CEP131: variants seen among roughly 807,000 people sequenced by gnomAD.
CEP131 encodes centrosomal protein 131, also known as centrosomal protein of 131 kDa.
In CEP131, 99 loss-of-function variants were observed where a neutral mutation model predicts 136.8. The ratio of observed to expected loss-of-function variants is 0.72; its 90% CI spans 0.62 to 0.86. CEP131 has a LOEUF of 0.86. Among genes scored for constraint, CEP131 ranks in the 40% least tolerant of loss-of-function variants. The pLI is 0.00. For synonymous variants in CEP131, 646 were observed against 612.7 expected, an observed-to-expected ratio of 1.05 and a Z score of -0.80; for missense variants, 1,459 against 1,463.0, an observed-to-expected ratio of 1.00 and a Z score of 0.04.
rs114818475 is a variant in CEP131 at position 81,208,997 on chromosome 17, T to C, written c.203A>G (p.Gln68Arg). ...GGATCTTCTAAGGTTGTTGATGGCC[T>C]GGGAGCCCCCAGGCCCTGTGGCCTC... ...VLEATGPGGS[Q>R]AINNLRRSNS... Residue 68 changes from glutamine to arginine, a missense_variant, in exon 3 of 26, where the codon CAG becomes CGG. Gln to Arg is a conservative substitution (Grantham distance 43, BLOSUM62 1). Transcript: ENST00000450824. The surrounding 1 kb of genome is among the most constrained non-coding windows in gnomAD (Gnocchi z 5.6). The C allele has an allele frequency of 5.8e-3, 9,372 of 1,613,804 alleles. 322 individuals carry two copies. In the African/African-American group the frequency reaches 0.081, roughly 14 times the overall value.
intron 1 of CEP131, among the ~76,000 whole-genome samples, chr17:81,222,355 G>C (rs2062406582): frequency 6.6e-6 from 1 of 152,216 alleles, no homozygotes; most frequent in African/African-American, 2.4e-5. Flanking sequence ...GCGCAGAGCA[G>C]AGCCCTCCAC....
chr17:81,195,959 G>T lies in CEP131; in HGVS notation c.1900-8C>A. 1 of 1,605,152 alleles carries T rather than the reference G, an allele frequency of 6.2e-7. No individual in the cohort carries two copies. On this transcript the variant is annotated splice_polypyrimidine_tract_variant and splice_region_variant and intron_variant, in intron 15 of 25. Transcript: ENST00000450824. ...CTTCTTGTCCTCAATCAGCTGTGTT[G>T]GGGACCGGAGGTGAGGTGCTACACC... is the stretch of plus-strand genomic sequence containing the variant.
rs1386860991 is a variant in CEP131 at position 81,194,873 on chromosome 17, G to A, written c.2116C>T (p.Arg706Ter). The A allele has an allele frequency of 6.8e-6, 11 of 1,612,990 alleles. No homozygotes were observed. Among genetic ancestry groups the A allele is most frequent in the Non-Finnish European group, 8.5e-6 (10 of 1,179,864 alleles). Residue 706 changes from arginine (R) to a stop codon, truncating the protein, a stop_gained, in exon 17 of 26, where the codon CGA becomes TGA. Transcript: ENST00000450824. LOFTEE classifies it high-confidence loss of function. ...KTKKIKEVTV[R>*]GLEPEIQKLI... is the part of the protein sequence containing the mutation. ...CTCATGGGAGGGGAGGGCCCACCTCGGACAGTGACCTCCTTGATCTTCTTG... is the reference window on the plus strand; with the variant it reads ...CTCATGGGAGGGGAGGGCCCACCTCAGACAGTGACCTCCTTGATCTTCTTG...
At chr17:81,221,178 A>ATGCTGGTC (rs1327507331) in intron 1 of CEP131, among the ~76,000 whole-genome samples, 2 of 150,556 alleles carry the variant, frequency 1.3e-5, no homozygotes, top group African/African-American at 4.9e-5. Flanking sequence ...TCCAGACAAG[A>ATGCTGGTC]TGCTGGTCTC....
intron 2 of CEP131, among the ~76,000 whole-genome samples, chr17:81,216,333 T>G (rs2062246308): frequency 6.6e-6 from 1 of 151,990 alleles, no homozygotes; most frequent in Non-Finnish European, 1.5e-5. Context: ...CACTCCAGCC[T>G]GGGCAAAAAG....
intron 2 of CEP131, among the ~76,000 whole-genome samples, chr17:81,212,279 G>C (rs568467192): frequency 6.8e-5 from 10 of 147,958 alleles, no homozygotes; most frequent in Non-Finnish European, 1.2e-4. Context: ...CCGAGATTGC[G>C]CTACTGCACT....
chr17:81,208,814 C>T lies in CEP131; in HGVS notation c.272+114G>A, dbSNP rs2062070610. 11 of 817,814 alleles carry T rather than the reference C, an allele frequency of 1.3e-5. No individual in the cohort carries two copies. The highest frequency in any genetic ancestry group is 2.6e-5 in the East Asian group (1 of 38,118). 50.7% of individuals were successfully genotyped at this position (817,814 alleles called of 1,614,324 possible). A position where few individuals can be genotyped will look rare whatever the true frequency, so the allele number is the denominator to read the frequency against. ...CAGGCCTCACTAGCCAGCAAGGGCC[C>T]GGGACCCAGGAGGCTGGAGGAAGGG... On this transcript the variant is annotated intron_variant, in intron 3 of 25. Transcript: ENST00000450824. The surrounding 1 kb of genome is among the most constrained non-coding windows in gnomAD (Gnocchi z 5.6).
intron 5 of CEP131, among the ~76,000 whole-genome samples, chr17:81,204,987 G>A (rs911100308): frequency 9.8e-5 from 15 of 152,330 alleles, no homozygotes; most frequent in East Asian, 3.9e-4. Flanking sequence ...ATGGCCGGGC[G>A]CAGTGGCTCA....
intron 23 of CEP131, 31 bp downstream of exon 23, chr17:81,190,875 GC>G: frequency 6.3e-7 from 1 of 1,592,858 alleles, no homozygotes. Context: ...GCCTGTGGGT[GC>G]CCACTGCCCA....
At position 81,192,483 on chromosome 17, in the gene CEP131, C is replaced by T. The variant is rs377053628; in HGVS notation, c.2540G>A (p.Arg847Gln). ...FEKGREEQER[R>Q]HQMELNTLKQ... Reference sequence around the variant, plus strand: ...AGCCCTCCGGTGGTAGACCTGGTGCCGGCGCTCCTGCTCCTCCCTGCCCTT... The same window carrying T: ...AGCCCTCCGGTGGTAGACCTGGTGCTGGCGCTCCTGCTCCTCCCTGCCCTT... Residue 847 changes from arginine (R) to glutamine (Q), a missense_variant, in exon 20 of 26, where the codon CGG becomes CAG. Physicochemically the swap from Arg to Gln is conservative, Grantham distance 43 (BLOSUM62 1). Around this residue, in one of 3 missense-constraint regions of CEP131, gnomAD observed 1,026 missense variants for 964.2 expected, o/e 1.06. Transcript: ENST00000450824. The T allele has an allele frequency of 3.7e-5, 59 of 1,611,746 alleles. 1 individual carries two copies. In the South Asian group the frequency reaches 4.9e-4, roughly 14 times the overall value.
At position 81,202,235 on chromosome 17, in the gene CEP131, G is replaced by A. The variant is rs762305402; in HGVS notation, c.788+5C>T. On this transcript the variant is annotated splice_donor_5th_base_variant and intron_variant, in intron 7 of 25. Transcript: ENST00000450824. ...GCCCCCCCCCACCGCCCCAAGATCG[G>A]TCACCTCTCAGCCTCCTCCTCCGTC... 1.2e-5 allele frequency: 19 copies of A among 1,581,378 alleles called. No homozygotes were observed. Among genetic ancestry groups the A allele is most frequent in the Non-Finnish European group, 1.6e-5 (19 of 1,162,272 alleles).
chr17:81,204,191 CA>C (rs1477151578), intron 5 of CEP131: 1 of 152,804 alleles, frequency 6.5e-6, no homozygotes, highest in Non-Finnish European at 1.5e-5. Flanking sequence ...CACGGAGACA[CA>C]CTGTTCTCCC....
chr17:81,193,740 G>A (rs1007392639), intron 18 of CEP131, among the ~76,000 whole-genome samples, 186 bp downstream of exon 18: 7 of 152,202 alleles, frequency 4.6e-5, no homozygotes, highest in African/African-American at 7.2e-5. Flanking sequence ...ACACAAGCCC[G>A]AGGACACTGG....
chr17:81,219,824 C>G lies in CEP131; in HGVS notation c.177+56G>C. On this transcript the variant is annotated intron_variant, in intron 2 of 25. Transcript: ENST00000450824. The surrounding 1 kb of genome is among the most constrained non-coding windows in gnomAD (Gnocchi z 4.0). The stretch of plus-strand genomic sequence containing the variant: ...GCTGGACCCAGGGGTCAGATGCCAA[C>G]TGAACAACAGCCCTCCAGGAGGCAG... The G allele has an allele frequency of 1.4e-6, 2 of 1,476,072 alleles. No individual in the cohort carries two copies. Among genetic ancestry groups the G allele is most frequent in the Non-Finnish European group, 1.8e-6 (2 of 1,104,400 alleles). 91.4% of individuals were successfully genotyped at this position (1,476,072 alleles called of 1,614,324 possible).
chr17:81,197,983 G>GA, intron 12 of CEP131, 95 bp from the exon 13 acceptor site: 1 of 1,523,086 alleles, frequency 6.6e-7, no homozygotes, highest in Non-Finnish European at 8.8e-7. Context: ...TGGGCTCTGG[G>GA]AGGGAGGGTT....
At chr17:81,217,462 T>C (rs1434934550) in intron 2 of CEP131, among the ~76,000 whole-genome samples, 3 of 151,446 alleles carry the variant, frequency 2.0e-5, no homozygotes, top group African/African-American at 4.9e-5. Flanking sequence ...TGTGAAGCCA[T>C]GCCTGGCCAA....
intron 16 of CEP131, among the ~76,000 whole-genome samples, chr17:81,195,256 C>T (rs1027964536): frequency 1.3e-5 from 2 of 152,210 alleles, no homozygotes; most frequent in African/African-American, 2.4e-5. Context: ...TGCTGCCTGT[C>T]GGGACGGCCC....
intron 21 of CEP131, 86 bp from the exon 22 acceptor site, chr17:81,191,421 C>T: frequency 7.5e-7 from 1 of 1,340,716 alleles, no homozygotes; most frequent in Non-Finnish European, 1.1e-6. Context: ...TGGGGGGCTC[C>T]AGGCTCTGAG....
At position 81,196,716 on chromosome 17, in the gene CEP131, CA is replaced by C. The variant is rs2061763197; in HGVS notation, c.1883del (p.Leu628TrpfsTer7). On this transcript the variant is annotated frameshift_variant, in exon 15 of 26. Coordinates refer to ENST00000450824, the MANE Select transcript of CEP131 (RefSeq NM_014984.4). LOFTEE classifies it high-confidence loss of function. ...GGCCGCTCACCTGGTCAATGAAGGCCAAGTGCCGCTGGATGGTGGCCTCGTA... is the reference window on the plus strand; with the variant it reads ...GGCCGCTCACCTGGTCAATGAAGGCCAGTGCCGCTGGATGGTGGCCTCGTA... ...EHYEATIQRH[L>X]AFIDQLIEDK... 6.2e-7 allele frequency: 1 copy of C among 1,605,524 alleles called. No homozygotes were observed. Among genetic ancestry groups the C allele is most frequent in the Non-Finnish European group, 8.5e-7 (1 of 1,178,452 alleles).
Sources: allele counts gnomAD v4.1 joint callset (sites outside exome capture counted in the v4.1 genomes callset), GRCh38; gene constraint gnomAD v4.1.1; regional missense constraint gnomAD v4.1.1; non-coding constraint Gnocchi (gnomAD v3.1); transcripts MANE v1.5; gene names NCBI Gene and HGNC (gene_info 2026-07-23, HGNC 2026-07-21).